The following EXOC7 variants were observed in gnomAD, a reference collection of about 807,000 sequenced individuals.
EXOC7 encodes the protein exocyst complex component 7, also known as exocyst complex component Exo70.
A neutral mutation model predicts 87.6 loss-of-function variants in EXOC7; 51 were observed. The ratio of observed to expected loss-of-function variants is 0.58; its 90% CI spans 0.46 to 0.73. The LOEUF (loss-of-function observed/expected upper bound fraction) is 0.73, where lower values mean the gene tolerates loss of function less well. Ranked by LOEUF, EXOC7 falls within the 30% of genes least tolerant of loss-of-function variation. The probability of loss-of-function intolerance (pLI) is 0.00; values close to 1 mark genes in which losing one functional copy is unlikely to be tolerated. For synonymous variants in EXOC7, 327 were observed against 357.1 expected (o/e 0.92, Z 0.95); for missense variants, 744 against 888.4 (o/e 0.84, Z 2.07).
At chr17:76,087,627 G>A in intron 12 of EXOC7, 27 bp downstream of exon 12, 1 of 1,547,676 alleles carries the variant, frequency 6.5e-7, no homozygotes, top group Non-Finnish European at 8.7e-7. Context: ...GAGTGGGGCA[G>A]GGGGCCCAAC....
In EXOC7 at chr17:76,083,402, CA is replaced by C. The variant is rs147177976; in HGVS notation, c.*245del. 4.7e-3 allele frequency: 2,452 copies of C among 522,824 alleles called. 34 individuals carry two copies. Among genetic ancestry groups the C allele is most frequent in the African/African-American group, 0.039 (2,024 of 52,202 alleles). 32.4% of individuals were successfully genotyped at this position (522,824 alleles called of 1,614,324 possible). On this transcript the variant is annotated 3_prime_UTR_variant, in exon 19 of 19. Coordinates refer to ENST00000589210, the MANE Select transcript of EXOC7 (RefSeq NM_001013839.4). ...TTCCTGTTTCAGAAGCCATCAGGGT[CA>C]TAAAAGCCAAGGTGTGGAGGGACCC...
chr17:76,094,243 G>A (rs1203555251), intron 6 of EXOC7, 171 bp downstream of exon 6: 4 of 624,178 alleles, frequency 6.4e-6, no homozygotes, highest in Non-Finnish European at 8.0e-6. Flanking sequence ...CTCTTGGGGG[G>A]CTTCACTGGG....
chr17:76,082,136 G>C lies in EXOC7; in HGVS notation c.*1512C>G, dbSNP rs963434082. 4.1e-5 allele frequency: 60 copies of C among 1,448,776 alleles called. No homozygotes were observed. Among genetic ancestry groups the C allele is most frequent in the Admixed American group, 5.4e-5 (2 of 37,244 alleles). The allele number at this position is 1,448,776 out of a possible 1,614,324, so 89.7% of individuals were successfully genotyped here. ...GCACGGAGGTCCAGGTGTGGGTAGA[G>C]GCCCCTTGCATCCACCCTGCTGGCT... is the stretch of plus-strand genomic sequence containing the variant. On this transcript the variant is annotated 3_prime_UTR_variant, in exon 19 of 19. Coordinates refer to ENST00000589210, the MANE Select transcript of EXOC7 (RefSeq NM_001013839.4).
Position 76,081,605 on chromosome 17 carries a change from C to T in EXOC7, c.*2043G>A. 1 of 1,614,066 alleles carries T rather than the reference C, an allele frequency of 6.2e-7. No individual in the cohort carries two copies. On this transcript the variant is annotated 3_prime_UTR_variant, in exon 19 of 19. Transcript: ENST00000589210. ...CGCTCTCTTGGTGCCTGCAGAGGCA[C>T]TGCTGTTGGCTGACGTGTGCGGGGG...
intron 12 of EXOC7, chr17:76,087,265 C>T (rs1366604536): frequency 1.9e-5 from 7 of 372,880 alleles, no homozygotes; most frequent in Non-Finnish European, 3.0e-5. Context: ...AGACGCCCAG[C>T]GGGCCCTGAG....
At chr17:76,098,077 C>G in intron 4 of EXOC7, 59 bp from the exon 5 acceptor site, 2 of 1,442,554 alleles carry the variant, frequency 1.4e-6, no homozygotes, top group South Asian at 1.2e-5. Context: ...CCAGTCCTGG[C>G]CTTCCCCTGC....
rs1440544079 is a variant in EXOC7 at position 76,084,302 on chromosome 17, G to A, written c.1777-13C>T. 6.2e-7 allele frequency: 1 copy of A among 1,613,518 alleles called. No individual in the cohort carries two copies. Among genetic ancestry groups the A allele is most frequent in the Non-Finnish European group, 8.5e-7 (1 of 1,180,032 alleles). On this transcript the variant is annotated splice_polypyrimidine_tract_variant and intron_variant, in intron 16 of 18. Coordinates refer to ENST00000589210, the MANE Select transcript of EXOC7 (RefSeq NM_001013839.4). ...CCTTGTCCCGGAGCTGGGAAGCCAG[G>A]AGAGATAGCAGAGAAAGCTCACTTC...
chr17:76,088,285 CA>C, intron 10 of EXOC7, 163 bp from the exon 11 acceptor site: 2 of 946,660 alleles, frequency 2.1e-6, no homozygotes, highest in Non-Finnish European at 3.3e-6. Flanking sequence ...CTTCCCACTT[CA>C]GAGGGCTTGG....
intron 11 of EXOC7, 76 bp from the exon 12 acceptor site, chr17:76,087,796 T>TGCCCAGGGCCA: frequency 6.8e-7 from 1 of 1,468,540 alleles, no homozygotes; most frequent in Non-Finnish European, 9.3e-7. Context: ...CCCCTCTGAG[T>TGCCCAGGGCCA]GCCCAGGGCC....
Position 76,087,637 on chromosome 17 carries a change from C to A in EXOC7, c.1429+17G>T, listed in dbSNP as rs1490352988. 3.9e-6 allele frequency: 6 copies of A among 1,550,462 alleles called. No homozygotes were observed. In the East Asian group the frequency reaches 7.3e-5, roughly 19 times the overall value. ...GAGGCGAGTGGGGCAGGGGGCCCAA[C>A]TGGGAGGTACCAGTACCTTGGGAGG... On this transcript the variant is annotated intron_variant, in intron 12 of 18. Transcript: ENST00000589210.
intron 6 of EXOC7, 77 bp downstream of exon 6, chr17:76,094,337 A>C: frequency 6.7e-7 from 1 of 1,484,270 alleles, no homozygotes. Flanking sequence ...GACGCTGCGA[A>C]CGCTAGATTG....
chr17:76,091,140 T>A lies in EXOC7; in HGVS notation c.901+3A>T. On this transcript the variant is annotated splice_donor_region_variant and intron_variant, in intron 7 of 18. Coordinates refer to ENST00000589210, the MANE Select transcript of EXOC7 (RefSeq NM_001013839.4). ...GGACAGGAGGGGAACACAGGGTGAT[T>A]ACCTTCCAGAGGAATGAGGTTAGAG... The A allele has an allele frequency of 6.2e-7, 1 of 1,612,642 alleles. No individual in the cohort carries two copies. The highest frequency in any genetic ancestry group is 8.5e-7 in the Non-Finnish European group (1 of 1,178,652).
intron 4 of EXOC7, among the ~76,000 whole-genome samples, chr17:76,100,166 A>C (rs1396706152): frequency 6.6e-6 from 1 of 152,192 alleles, no homozygotes. Flanking sequence ...TCACAGAAAC[A>C]GAAAGTGGAA....
rs1598280877 is a variant in EXOC7 at position 76,081,078 on chromosome 17, C to G, written c.*2570G>C. 8.1e-6 allele frequency: 5 copies of G among 616,754 alleles called. No individual in the cohort carries two copies. In the East Asian group the frequency reaches 1.2e-4, roughly 15 times the overall value. The allele number at this position is 616,754 out of a possible 1,614,324, so 38.2% of individuals were successfully genotyped here. A position where few individuals can be genotyped will look rare whatever the true frequency, so the allele number is the denominator to read the frequency against. On this transcript the variant is annotated 3_prime_UTR_variant, in exon 19 of 19. Transcript: ENST00000589210. ...GCTCATCTATGAATCTGATAAAGGC[C>G]TTCCTTCAACTGGAGACAATTTGGG... is the stretch of plus-strand genomic sequence containing the variant.
At chr17:76,095,786 A>C (rs1322748872) in intron 5 of EXOC7, among the ~76,000 whole-genome samples, 1 of 152,212 alleles carries the variant, frequency 6.6e-6, no homozygotes, top group East Asian at 1.9e-4. Context: ...ACCCTTGAGA[A>C]TAAACCCTCA....
chr17:76,101,266 C>CT lies in EXOC7; in HGVS notation c.417+4dup. On this transcript the variant is annotated splice_donor_region_variant and intron_variant, in intron 4 of 18. Transcript: ENST00000589210. Reference sequence around the variant, plus strand: ...GCTTCTCACGTTATTCTGCGGACCCCTTACCACTTTGTTGAGTTCCGGGCT... The same window carrying CT: ...GCTTCTCACGTTATTCTGCGGACCCCTTTACCACTTTGTTGAGTTCCGGGCT... The CT allele has an allele frequency of 6.2e-7, 1 of 1,613,996 alleles. No individual in the cohort carries two copies. Among genetic ancestry groups the CT allele is most frequent in the Admixed American group, 1.7e-5 (1 of 59,984 alleles).
At chr17:76,085,919 A>T (rs1435302900) in intron 13 of EXOC7, 122 bp from the exon 14 acceptor site, 1 of 1,522,644 alleles carries the variant, frequency 6.6e-7, no homozygotes, top group African/African-American at 1.4e-5. Flanking sequence ...GCCTTAGCCC[A>T]ACTCCCCTCA....
intron 2 of EXOC7, 84 bp downstream of exon 2, chr17:76,103,277 C>T: frequency 1.5e-6 from 2 of 1,307,858 alleles, no homozygotes; most frequent in Non-Finnish European, 2.1e-6. Context: ...AACTCCAGGC[C>T]GCAGGAACCG....
intron 12 of EXOC7, 115 bp downstream of exon 12, chr17:76,087,539 A>G (rs2067265847): frequency 9.4e-7 from 1 of 1,063,122 alleles, no homozygotes; most frequent in Non-Finnish European, 1.4e-6. Flanking sequence ...TGCTGAGCAC[A>G]CCTCAACCCC....
Sources: allele counts gnomAD v4.1 joint callset (sites outside exome capture counted in the v4.1 genomes callset), GRCh38; gene constraint gnomAD v4.1.1; transcripts MANE v1.5; gene names NCBI Gene and HGNC (gene_info 2026-07-23, HGNC 2026-07-21).